The following NUP98 variants were observed in gnomAD, a reference collection of about 807,000 sequenced individuals.
The protein encoded by NUP98 is nucleoporin 98 and 96 precursor.
A neutral mutation model predicts 191.9 loss-of-function variants in NUP98; 26 were observed. The observed-to-expected ratio is 0.14, with a 90% confidence interval of 0.10 to 0.19. The LOEUF (loss-of-function observed/expected upper bound fraction) is 0.19. NUP98 is among the 10% of genes least tolerant of loss of function. The pLI is 1.00. For missense variants in NUP98, 1,941 were observed against 2,178.8 expected (o/e 0.89, Z 2.17); for synonymous variants, 808 against 778.4 (o/e 1.04, Z -0.63).
At chr11:3,714,318 G>A (rs532043671) in intron 18 of NUP98, among the ~76,000 whole-genome samples, 1 of 152,156 alleles carries the variant, frequency 6.6e-6, no homozygotes, top group Non-Finnish European at 1.5e-5. Context: ...TACGAACCAA[G>A]TCTTATGCAG....
intron 18 of NUP98, among the ~76,000 whole-genome samples, chr11:3,715,157 TTTC>T (rs2079140525): frequency 1.3e-5 from 2 of 152,260 alleles, no homozygotes; most frequent in East Asian, 3.9e-4. Context: ...TGGCAATTTG[TTTC>T]TTATTAGACT....
At position 3,705,942 on chromosome 11, in the gene NUP98, G is replaced by C. The variant is rs533419059; in HGVS notation, c.2925+503C>G. 2.3e-3 allele frequency among the ~76,000 whole-genome samples: 349 copies of C among 149,346 alleles called. 2 individuals are homozygous for C. Among genetic ancestry groups the C allele is most frequent in the African/African-American group, 7.8e-3 (317 of 40,420 alleles). On this transcript the variant is annotated intron_variant, in intron 21 of 32. Transcript: ENST00000324932. The stretch of plus-strand genomic sequence containing the variant: ...ACGCGGGCAGATCACCTGAGGTCAG[G>C]AGTTCGAGACCAGACTGACCAACAT...
chr11:3,746,049 C>T (rs907070176), intron 11 of NUP98, among the ~76,000 whole-genome samples: 4 of 151,950 alleles, frequency 2.6e-5, no homozygotes, highest in Non-Finnish European at 4.4e-5. Context: ...GCGGGTGGAT[C>T]ACCTAAAGTT....
Position 3,675,862 on chromosome 11 carries a change from C to A in NUP98, c.*297G>T. 1 of 448,486 alleles carries A rather than the reference C, an allele frequency of 2.2e-6. No homozygotes were observed. The highest frequency in any genetic ancestry group is 4.1e-6 in the Non-Finnish European group (1 of 245,572). The allele number at this position is 448,486 out of a possible 1,614,324, so 27.8% of individuals were successfully genotyped here. The stretch of plus-strand genomic sequence containing the variant: ...TGGCTAGGGATGGAAAAAGAATACC[C>A]TGGTTCTTTGGGGGATTCTGCCAAA... On this transcript the variant is annotated 3_prime_UTR_variant, in exon 33 of 33. Coordinates refer to ENST00000324932, the MANE Select transcript of NUP98 (RefSeq NM_016320.5).
At chr11:3,721,454 T>A (rs939090838) in intron 16 of NUP98, among the ~76,000 whole-genome samples, 4 of 152,112 alleles carry the variant, frequency 2.6e-5, no homozygotes, top group African/African-American at 7.2e-5. Context: ...TCCAAGGACT[T>A]TGGGAGGCCG....
At chr11:3,695,338 A>G in intron 26 of NUP98, 111 bp downstream of exon 26, 1 of 1,003,296 alleles carries the variant, frequency 1.0e-6, no homozygotes, top group Non-Finnish European at 1.4e-6. Context: ...TGTGTAAAAC[A>G]TTTTGTGTAA....
chr11:3,702,578 T>G lies in NUP98; in HGVS notation c.3397A>C (p.Asn1133His), dbSNP rs764954332. 5 of 1,613,968 alleles carry G rather than the reference T, an allele frequency of 3.1e-6. No homozygotes were observed. The East Asian group carries it at 8.9e-5, about 29-fold the overall frequency. Residue 1133 changes from asparagine (N) to histidine (H), a missense_variant, in exon 23 of 33, where the codon AAC becomes CAC. Asn to His is a moderately conservative substitution (Grantham distance 68). This residue lies in a region of NUP98 where 1,030 missense variants were observed against 1,115.8 expected (regional missense o/e 0.92). Transcript: ENST00000324932. Reference sequence around the variant, plus strand: ...TCTCCACTATTAGCAAGAGTCCAGTTGGGGCCCCAACCAACACGAAATGAG... The same window carrying G: ...TCTCCACTATTAGCAAGAGTCCAGTGGGGGCCCCAACCAACACGAAATGAG... ...GRSFRVGWGP[N>H]WTLANSGEQL...
At chr11:3,746,269 CAAAA>C (rs66773761) in intron 11 of NUP98, among the ~76,000 whole-genome samples, 16 of 33,942 alleles carry the variant, frequency 4.7e-4, no homozygotes, top group Admixed American at 1.6e-3. Context: ...AACTTTATCT[CAAAA>C]AAAAAAAAAA....
chr11:3,735,899 G>T (rs745583788), intron 12 of NUP98, among the ~76,000 whole-genome samples: 10 of 132,724 alleles, frequency 7.5e-5, no homozygotes, highest in Non-Finnish European at 1.4e-4. Flanking sequence ...ATATACAACA[G>T]GACAAGTACT....
intron 8 of NUP98, among the ~76,000 whole-genome samples, chr11:3,766,689 C>CAAAAAAAAAAAA (rs544567161): frequency 5.1e-5 from 3 of 58,886 alleles, no homozygotes; most frequent in African/African-American, 1.7e-4. Context: ...AACTCCGTCT[C>CAAAAAAAAAAAA]AAAAAAAAAA....
intron 10 of NUP98, among the ~76,000 whole-genome samples, chr11:3,753,866 G>A (rs534537370): frequency 4.7e-5 from 7 of 147,886 alleles, no homozygotes; most frequent in Non-Finnish European, 1.0e-4. Context: ...TTCAACCCAG[G>A]AGGCAAAGGT....
intron 30 of NUP98, among the ~76,000 whole-genome samples, chr11:3,679,967 CTTA>C (rs1485185997): frequency 2.0e-5 from 3 of 152,234 alleles, no homozygotes; most frequent in Non-Finnish European, 2.9e-5. Flanking sequence ...ACCACTGTCA[CTTA>C]TTAAGTGTGC....
chr11:3,766,021 G>A (rs775369088), intron 8 of NUP98, among the ~76,000 whole-genome samples: 29 of 152,060 alleles, frequency 1.9e-4, no homozygotes, highest in Non-Finnish European at 3.7e-4. Context: ...CTATTCAATT[G>A]GTCTATGTCT....
In NUP98 at chr11:3,686,075, G is replaced by A. The variant is rs569344878; in HGVS notation, c.4574C>T (p.Ala1525Val). Residue 1525 changes from alanine to valine, a missense_variant, in exon 29 of 33, where the codon GCG (alanine) becomes GTG (valine). Transcript: ENST00000324932. ...GGCCTGTAGCACACCTTCACACTGC[G>A]CTGAGAGATGGGTGTAGTTAAGAGC... is the stretch of plus-strand genomic sequence containing the variant. ...LRALNYTHLSAQCEGVLQASY... is the reference protein window; with the variant it reads ...LRALNYTHLSVQCEGVLQASY... 3 of 1,614,176 alleles carry A rather than the reference G, an allele frequency of 1.9e-6. No individual in the cohort carries two copies. Among genetic ancestry groups the A allele is most frequent in the South Asian group, 2.2e-5 (2 of 91,080 alleles).
rs1160801263 is a variant in NUP98, at chr11:3,675,083, CATTT to C, written c.*1072_*1075del. On this transcript the variant is annotated 3_prime_UTR_variant, in exon 33 of 33. Coordinates refer to ENST00000324932, the MANE Select transcript of NUP98 (RefSeq NM_016320.5). ...CAGAAAAAGAGGAAAATATCTAGAT[CATTT>C]ATTTATACATATATATATTTTTTAA... 2.8e-5 allele frequency: 5 copies of C among 178,814 alleles called. No individual in the cohort carries two copies. Among genetic ancestry groups the C allele is most frequent in the South Asian group, 2.0e-4 (1 of 5,052 alleles). 11.1% of individuals were successfully genotyped at this position (178,814 alleles called of 1,614,324 possible). A position where few individuals can be genotyped will look rare whatever the true frequency, so the allele number is the denominator to read the frequency against.
intron 4 of NUP98, among the ~76,000 whole-genome samples, chr11:3,777,130 G>C (rs276891): frequency 0.036 from 5,404 of 151,982 alleles, 343 homozygotes; most frequent in African/African-American, 0.12. Context: ...TCAAATATAG[G>C]TTAATGTAAA....
rs576658216 is a variant in NUP98, at chr11:3,764,673, G to A, written c.949-1634C>T. 4.6e-5 allele frequency among the ~76,000 whole-genome samples: 7 copies of A among 152,234 alleles called. No homozygotes were observed. The East Asian group carries it at 1.4e-3, about 29-fold the overall frequency. The stretch of plus-strand genomic sequence containing the variant: ...GGCTCACCACAACCTCCGCCTCCCG[G>A]GTTCAAGAGATTCTCCTGCCTCAGC... On this transcript the variant is annotated intron_variant, in intron 8 of 32. Coordinates refer to ENST00000324932, the MANE Select transcript of NUP98 (RefSeq NM_016320.5).
At chr11:3,720,944 C>G (rs1427051849) in intron 16 of NUP98, 119 bp from the exon 17 acceptor site, 1 of 570,948 alleles carries the variant, frequency 1.8e-6, no homozygotes, top group South Asian at 2.1e-5. Flanking sequence ...ACTTTTCTAC[C>G]AAACATGATT....
chr11:3,789,500 TC>T (rs1465702317), intron 1 of NUP98, among the ~76,000 whole-genome samples: 1 of 150,192 alleles, frequency 6.7e-6, no homozygotes, highest in Admixed American at 6.6e-5. Context: ...TTTACCTATT[TC>T]TTTTTTTTTT....
Sources: gnomAD v4.1 joint callset for allele counts (sites outside exome capture counted in the v4.1 genomes callset) on GRCh38, gnomAD v4.1.1 for gene constraint, gnomAD v4.1.1 regional missense constraint, MANE v1.5 for transcripts, NCBI Gene and HGNC (gene_info 2026-07-23, HGNC 2026-07-21) for gene names.